SPTB: variants seen among roughly 807,000 people sequenced by gnomAD.
SPTB encodes spectrin beta chain, erythrocytic.
Under a neutral mutation model 256.2 loss-of-function variants are expected in SPTB, and 45 were observed. The observed-to-expected ratio is 0.18, with a 90% CI of 0.14 to 0.23. The LOEUF (loss-of-function observed/expected upper bound fraction) is 0.23. Ranked by LOEUF, SPTB falls within the 10% of genes least tolerant of loss-of-function variation. The probability of loss-of-function intolerance (pLI) is 1.00; values close to 1 mark genes in which losing one functional copy is unlikely to be tolerated. For missense variants in SPTB, 2,715 were observed against 3,040.4 expected (o/e 0.89, Z 2.52); for synonymous variants, 1,231 against 1,243.1 (o/e 0.99, Z 0.21).
chr14:64,877,594 C>A (rs553247057), intron 1 of SPTB, among the ~76,000 whole-genome samples: 2 of 152,308 alleles, frequency 1.3e-5, no homozygotes, highest in African/African-American at 4.8e-5. Flanking sequence ...AGAGAAAACG[C>A]TGAGCATTCA....
intron 23 of SPTB, 128 bp from the exon 24 acceptor site, chr14:64,774,655 G>A: frequency 7.4e-7 from 1 of 1,353,510 alleles, no homozygotes; most frequent in Non-Finnish European, 1.0e-6. Context: ...ACCCGCAGGA[G>A]AGCCACACAT....
chr14:64,792,868 T>C lies in SPTB; in HGVS notation c.2666+129A>G. The C allele has an allele frequency of 7.6e-7, 1 of 1,317,094 alleles. No homozygotes were observed. 81.6% of individuals were successfully genotyped at this position (1,317,094 alleles called of 1,614,324 possible). On this transcript the variant is annotated intron_variant, in intron 14 of 35. Transcript: ENST00000644917. This position sits in a 1 kb window ranked among gnomAD's most constrained non-coding sequence, Gnocchi z 4.2. Reference sequence around the variant, plus strand: ...CTTATGACTCCTAATGCCAGGACTTTGCAACAAAGGACATCCCAGGGCCTC... The same window carrying C: ...CTTATGACTCCTAATGCCAGGACTTCGCAACAAAGGACATCCCAGGGCCTC...
chr14:64,786,253 CT>C lies in SPTB; in HGVS notation c.3561+150del. The C allele has an allele frequency of 8.2e-7, 1 of 1,212,282 alleles. No homozygotes were observed. The highest frequency in any genetic ancestry group is 1.2e-6 in the Non-Finnish European group (1 of 831,442). 75.1% of individuals were successfully genotyped at this position (1,212,282 alleles called of 1,614,324 possible). Reference sequence around the variant, plus strand: ...TGGGACACAAGGCTGGAAAAGGCCCCTAATGAGAAACAAAGATTTCCCCCAT... The same window carrying C: ...TGGGACACAAGGCTGGAAAAGGCCCCAATGAGAAACAAAGATTTCCCCCAT... On this transcript the variant is annotated intron_variant, in intron 16 of 35. Coordinates refer to ENST00000644917, the MANE Select transcript of SPTB (RefSeq NM_001355436.2). The surrounding 1 kb of genome is among the most constrained non-coding windows in gnomAD (Gnocchi z 5.6).
intron 1 of SPTB, among the ~76,000 whole-genome samples, chr14:64,843,355 A>C (rs1252327507): frequency 6.6e-6 from 1 of 152,164 alleles, no homozygotes; most frequent in Non-Finnish European, 1.5e-5. Context: ...GCAGTCACGC[A>C]GTTACTACTC....
chr14:64,782,648 G>A (rs576865043), intron 19 of SPTB, 95 bp from the exon 20 acceptor site: 1 of 1,557,472 alleles, frequency 6.4e-7, no homozygotes, highest in African/African-American at 1.4e-5. Context: ...CCAAGAGGAG[G>A]TCAGTAAGGC....
At chr14:64,878,567 G>A (rs1882944431) in intron 1 of SPTB, among the ~76,000 whole-genome samples, 1 of 152,160 alleles carries the variant, frequency 6.6e-6, no homozygotes, top group South Asian at 2.1e-4. Context: ...GCTAAGGATA[G>A]GACAGTGGAC....
intron 33 of SPTB, among the ~76,000 whole-genome samples, chr14:64,751,321 C>T (rs747105209): frequency 3.5e-4 from 53 of 151,808 alleles, no homozygotes; most frequent in Non-Finnish European, 5.3e-4. Context: ...GGTTTCACCA[C>T]GTTGGCCAGG....
Position 64,807,014 on chromosome 14 carries a change from G to A in SPTB, c.149-1924C>T, listed in dbSNP as rs229578. Among the ~76,000 whole-genome samples, 10,127 of 152,204 alleles carry A rather than the reference G, an allele frequency of 0.067. 1,153 individuals carry two copies. Among genetic ancestry groups the A allele is most frequent in the African/African-American group, 0.23 (9,585 of 41,476 alleles). The stretch of plus-strand genomic sequence containing the variant: ...TCCTGATTTCAAATGCTGCTTCAGC[G>A]AAATGTAACTAAAGGGAGTTTGATG... On this transcript the variant is annotated intron_variant, in intron 2 of 35. Coordinates refer to ENST00000644917, the MANE Select transcript of SPTB (RefSeq NM_001355436.2). The surrounding 1 kb of genome is among the most constrained non-coding windows in gnomAD (Gnocchi z 4.7).
At chr14:64,809,414 C>T (rs866282884) in intron 2 of SPTB, among the ~76,000 whole-genome samples, 5 of 150,658 alleles carry the variant, frequency 3.3e-5, no homozygotes, top group South Asian at 2.1e-4. Flanking sequence ...GGTGTGATCT[C>T]GGCTCACTGC....
chr14:64,828,522 A>G (rs995478439), intron 1 of SPTB, among the ~76,000 whole-genome samples: 1 of 152,220 alleles, frequency 6.6e-6, no homozygotes, highest in Non-Finnish European at 1.5e-5. Flanking sequence ...GGTTGGTACA[A>G]AAGTAATTGT....
At chr14:64,870,985 A>G (rs932632013) in intron 1 of SPTB, among the ~76,000 whole-genome samples, 4 of 152,172 alleles carry the variant, frequency 2.6e-5, no homozygotes, top group African/African-American at 9.7e-5. Flanking sequence ...TTTCATGATG[A>G]TGGGGAGGGA....
chr14:64,753,854 C>A, intron 32 of SPTB, 61 bp from the exon 33 acceptor site: 3 of 1,601,892 alleles, frequency 1.9e-6, no homozygotes. Flanking sequence ...GATGGCTGTT[C>A]TCAGCAAAAT....
At chr14:64,833,040 T>C (rs2083471031) in intron 1 of SPTB, among the ~76,000 whole-genome samples, 1 of 152,210 alleles carries the variant, frequency 6.6e-6, no homozygotes, top group Admixed American at 6.5e-5. Flanking sequence ...GACAAAGCCC[T>C]TTGTGATCTA....
chr14:64,799,607 C>T (rs974616336), intron 9 of SPTB, 140 bp downstream of exon 9: 1 of 993,466 alleles, frequency 1.0e-6, no homozygotes, highest in Non-Finnish European at 1.5e-6. Context: ...GGGCACAAGG[C>T]AGGTGACACA....
Position 64,825,060 on chromosome 14 carries a change from G to C in SPTB, c.-51-1915C>G, listed in dbSNP as rs1225298351. On this transcript the variant is annotated intron_variant, in intron 1 of 35. Coordinates refer to ENST00000644917, the MANE Select transcript of SPTB (RefSeq NM_001355436.2). The surrounding 1 kb of genome is among the most constrained non-coding windows in gnomAD (Gnocchi z 4.8). ...TGACCAGACGGGTTTCAGGAGGGCA[G>C]GTGGGGAAAGGACTGGAGCACAGTT... Among the ~76,000 whole-genome samples, 1 of 152,020 alleles carries C rather than the reference G, an allele frequency of 6.6e-6. No homozygotes were observed. The highest frequency in any genetic ancestry group is 1.5e-5 in the Non-Finnish European group (1 of 68,012).
rs1266376988 is a variant in SPTB, at chr14:64,775,516, G to A, written c.4564-113C>T. 3 of 1,372,522 alleles carry A rather than the reference G, an allele frequency of 2.2e-6. 1 individual carries two copies. The allele number at this position is 1,372,522 out of a possible 1,614,324, so 85.0% of individuals were successfully genotyped here. On this transcript the variant is annotated intron_variant, in intron 22 of 35. Coordinates refer to ENST00000644917, the MANE Select transcript of SPTB (RefSeq NM_001355436.2). This position sits in a 1 kb window ranked among gnomAD's most constrained non-coding sequence, Gnocchi z 5.0. ...TTGGTCCCTCTCACCCCCGTTGCTAGAGCAGAGCAGGTGATGGCGATAAGA... is the reference window on the plus strand; with the variant it reads ...TTGGTCCCTCTCACCCCCGTTGCTAAAGCAGAGCAGGTGATGGCGATAAGA...
At chr14:64,872,316 T>C (rs999371271) in intron 1 of SPTB, among the ~76,000 whole-genome samples, 2 of 152,150 alleles carry the variant, frequency 1.3e-5, no homozygotes, top group East Asian at 3.8e-4. Flanking sequence ...CCCAACTGCA[T>C]CTCACCAGGA....
rs754309524 is a variant in SPTB, at chr14:64,750,103, G to A, written c.6654C>T (p.Tyr2218=). 4.3e-6 allele frequency: 7 copies of A among 1,614,068 alleles called. No homozygotes were observed. Among genetic ancestry groups the A allele is most frequent in the Non-Finnish European group, 5.1e-6 (6 of 1,180,032 alleles). ...CVLRNSELTF[Y]KDAKNLALGM... ...CCAGGGCCAGGTTCTTGGCATCCTTGTAGAAGGTTAGCTCACTGTTCCTGA... is the reference window on the plus strand; with the variant it reads ...CCAGGGCCAGGTTCTTGGCATCCTTATAGAAGGTTAGCTCACTGTTCCTGA... The change falls in exon 34 of 36, where the codon TAC becomes TAT. Residue 2218 remains tyrosine (Y), a synonymous_variant. Coordinates refer to ENST00000644917, the MANE Select transcript of SPTB (RefSeq NM_001355436.2).
intron 1 of SPTB, among the ~76,000 whole-genome samples, chr14:64,871,792 A>G (rs1381878117): frequency 6.6e-6 from 1 of 152,216 alleles, no homozygotes; most frequent in Non-Finnish European, 1.5e-5. Flanking sequence ...TATAATATGG[A>G]TATATGTTTT....
Sources: gnomAD v4.1 joint callset for allele counts (sites outside exome capture counted in the v4.1 genomes callset) on GRCh38, gnomAD v4.1.1 for gene constraint, Gnocchi (gnomAD v3.1) non-coding constraint, MANE v1.5 for transcripts, NCBI Gene and HGNC (gene_info 2026-07-23, HGNC 2026-07-21) for gene names.